Variants in PHIP observed in about 807,000 individuals in gnomAD.
PHIP encodes the protein PHIP subunit of CUL4-Ring ligase complex.
A neutral mutation model predicts 236.8 loss-of-function variants in PHIP; 54 were observed. The observed-to-expected ratio is 0.23, with a 90% CI of 0.18 to 0.29. The LOEUF is 0.29. Among genes scored for constraint, PHIP ranks in the 10% least tolerant of loss-of-function variants. The pLI is 1.00. For synonymous variants in PHIP, 756 were observed against 718.9 expected, an observed-to-expected ratio of 1.05 and a Z score of -0.83; for missense variants, 1,370 against 2,190.8, an observed-to-expected ratio of 0.63 and a Z score of 7.48.
At chr6:79,049,442 A>G (rs1346039564) in intron 6 of PHIP, among the ~76,000 whole-genome samples, 1 of 152,232 alleles carries the variant, frequency 6.6e-6, no homozygotes, top group Non-Finnish European at 1.5e-5. Context: ...ATAAAATGCA[A>G]AAGTAATTAT....
chr6:78,969,149 A>T (rs2127704338), intron 27 of PHIP, among the ~76,000 whole-genome samples: 1 of 152,254 alleles, frequency 6.6e-6, no homozygotes, highest in Non-Finnish European at 1.5e-5. Flanking sequence ...ATAGCTTCCA[A>T]ATTTTCCTAA....
chr6:79,006,195 T>C (rs1770283032), intron 15 of PHIP, among the ~76,000 whole-genome samples: 2 of 151,998 alleles, frequency 1.3e-5, no homozygotes, highest in African/African-American at 4.8e-5. Context: ...ATGAACCAGT[T>C]AGAAAAGGTG....
At chr6:78,948,887 C>T (rs116626735) in intron 35 of PHIP, among the ~76,000 whole-genome samples, 2,956 of 152,286 alleles carry the variant, frequency 0.019, 89 homozygotes, top group African/African-American at 0.067. Context: ...TGATCAAATA[C>T]GTCTGACCAT....
intron 32 of PHIP, chr6:78,955,925 T>G: frequency 3.8e-6 from 1 of 260,820 alleles, no homozygotes. Flanking sequence ...CTCCCAGTCT[T>G]TGCTTAGGTA....
chr6:79,008,361 GA>G (rs1053081752), intron 15 of PHIP, among the ~76,000 whole-genome samples: 20 of 150,452 alleles, frequency 1.3e-4, no homozygotes, highest in South Asian at 6.3e-4. Flanking sequence ...TACATAAAAT[GA>G]AAAAAAAATT....
intron 24 of PHIP, among the ~76,000 whole-genome samples, chr6:78,977,316 A>T (rs1164466400): frequency 1.3e-5 from 2 of 151,832 alleles, no homozygotes; most frequent in African/African-American, 4.8e-5. Flanking sequence ...CATAGGTGGG[A>T]ATTGAACAAT....
chr6:79,072,391 T>C lies in PHIP; in HGVS notation c.189+5057A>G, dbSNP rs191238750. Reference sequence around the variant, plus strand: ...AGGTCTATCCACAATGCCTTAACCATGATTTATTTTTGGTATTAAACATTT... The same window carrying C: ...AGGTCTATCCACAATGCCTTAACCACGATTTATTTTTGGTATTAAACATTT... On this transcript the variant is annotated intron_variant, in intron 4 of 39. Transcript: ENST00000275034. 1.1e-4 allele frequency among the ~76,000 whole-genome samples: 16 copies of C among 152,342 alleles called. No homozygotes were observed. The East Asian group carries it at 3.1e-3, about 29-fold the overall frequency.
chr6:78,968,840 T>A (rs2127703989), intron 27 of PHIP, among the ~76,000 whole-genome samples: 1 of 152,318 alleles, frequency 6.6e-6, no homozygotes, highest in African/African-American at 2.4e-5. Flanking sequence ...TTCAATGTAA[T>A]TTTCCACAAA....
chr6:79,043,782 T>C (rs2127760935), intron 6 of PHIP, among the ~76,000 whole-genome samples: 1 of 151,994 alleles, frequency 6.6e-6, no homozygotes, highest in Non-Finnish European at 1.5e-5. Context: ...ATATGTTGAC[T>C]GATCTGCAGG....
rs1017450738 is a variant in PHIP, at chr6:79,028,576, A to G, written c.601-2412T>C. On this transcript the variant is annotated intron_variant, in intron 7 of 39. Coordinates refer to ENST00000275034, the MANE Select transcript of PHIP (RefSeq NM_017934.7). Reference sequence around the variant, plus strand: ...TCGGAAACACATTAGGGATTTGCTGAGTAAAAAAAATGCTTTAGGGCATTC... The same window carrying G: ...TCGGAAACACATTAGGGATTTGCTGGGTAAAAAAAATGCTTTAGGGCATTC... Among the ~76,000 whole-genome samples, 3 of 152,320 alleles carry G rather than the reference A, an allele frequency of 2.0e-5. No individual in the cohort carries two copies. The East Asian group carries it at 5.8e-4, about 29-fold the overall frequency.
At chr6:79,035,505 T>C (rs982347021) in intron 7 of PHIP, among the ~76,000 whole-genome samples, 1 of 152,192 alleles carries the variant, frequency 6.6e-6, no homozygotes, top group Non-Finnish European at 1.5e-5. Flanking sequence ...TACTTTGACA[T>C]GAAAATAAAA....
chr6:78,953,488 C>T (rs117017781), intron 35 of PHIP, among the ~76,000 whole-genome samples: 4 of 152,032 alleles, frequency 2.6e-5, no homozygotes, highest in Non-Finnish European at 5.9e-5. Flanking sequence ...AGAACCAAAG[C>T]GAAATCCATA....
intron 17 of PHIP, among the ~76,000 whole-genome samples, chr6:79,000,427 T>C (rs1241127707): frequency 6.6e-6 from 1 of 152,128 alleles, no homozygotes; most frequent in Non-Finnish European, 1.5e-5. Flanking sequence ...CATTAAATTT[T>C]GAATTCTCTC....
intron 4 of PHIP, among the ~76,000 whole-genome samples, chr6:79,064,600 A>C (rs181986573): frequency 7.9e-5 from 12 of 152,288 alleles, no homozygotes; most frequent in African/African-American, 2.2e-4. Flanking sequence ...ACTGTTGAAC[A>C]CTTCCTCATT....
intron 20 of PHIP, among the ~76,000 whole-genome samples, chr6:78,989,713 G>C (rs1769095195): frequency 6.6e-6 from 1 of 151,974 alleles, no homozygotes; most frequent in East Asian, 1.9e-4. Context: ...ACTGAATTAA[G>C]AGATAAGCAC....
chr6:78,935,586 ATTGTT>A lies in PHIP; in HGVS notation c.*5102_*5106del. 2 of 973,194 alleles carry A rather than the reference ATTGTT, an allele frequency of 2.1e-6. No homozygotes were observed. The highest frequency in any genetic ancestry group is 2.4e-6 in the Non-Finnish European group (2 of 818,766). The allele number at this position is 973,194 out of a possible 1,614,324, so 60.3% of individuals were successfully genotyped here. ...TAACTTACGGTAAGAAATCAATAAA[ATTGTT>A]TTATTAAATGTACACATAAAAAGGC... On this transcript the variant is annotated 3_prime_UTR_variant, in exon 40 of 40. Coordinates refer to ENST00000275034, the MANE Select transcript of PHIP (RefSeq NM_017934.7).
At chr6:78,942,675 C>A (rs894611809) in intron 39 of PHIP, among the ~76,000 whole-genome samples, 3 of 152,182 alleles carry the variant, frequency 2.0e-5, no homozygotes, top group African/African-American at 7.2e-5. Context: ...GAGCAACTGA[C>A]ATTTAAACTG....
intron 19 of PHIP, among the ~76,000 whole-genome samples, chr6:78,993,784 T>A (rs1425224836): frequency 6.6e-6 from 1 of 152,226 alleles, no homozygotes; most frequent in Non-Finnish European, 1.5e-5. Context: ...GTTCTCTTCA[T>A]GCCTGCTAAC....
chr6:79,037,298 T>C (rs1279015397), intron 7 of PHIP, among the ~76,000 whole-genome samples: 1 of 152,162 alleles, frequency 6.6e-6, no homozygotes, highest in Non-Finnish European at 1.5e-5. Flanking sequence ...CCTAGGTCTG[T>C]CAATGTTTCT....
Sources: allele counts gnomAD v4.1 joint callset (sites outside exome capture counted in the v4.1 genomes callset), GRCh38; gene constraint gnomAD v4.1.1; transcripts MANE v1.5; gene names NCBI Gene and HGNC (gene_info 2026-07-23, HGNC 2026-07-21).